The following SPOCK3 variants were observed in gnomAD, a reference collection of about 807,000 sequenced individuals.
The protein encoded by SPOCK3 is testican-3.
A neutral mutation model predicts 56.6 loss-of-function variants in SPOCK3; 30 were observed. The observed-to-expected ratio is 0.53, with a 90% CI of 0.40 to 0.72. SPOCK3 has a LOEUF of 0.72. SPOCK3 is among the 30% of genes least tolerant of loss of function. The probability of loss-of-function intolerance (pLI) is 0.00; values close to 1 mark genes in which losing one functional copy is unlikely to be tolerated. For synonymous variants in SPOCK3, 196 were observed against 183.3 expected (o/e 1.07, Z -0.56); for missense variants, 527 against 530.0 (o/e 0.99, Z 0.06).
At chr4:167,144,563 A>G (rs2150404650) in intron 2 of SPOCK3, among the ~76,000 whole-genome samples, 1 of 152,140 alleles carries the variant, frequency 6.6e-6, no homozygotes, top group South Asian at 2.1e-4. Flanking sequence ...CAGAGGAAAA[A>G]GAATATTAGT....
intron 6 of SPOCK3, among the ~76,000 whole-genome samples, chr4:166,843,184 C>T (rs7697008): frequency 7.2e-5 from 11 of 152,128 alleles, no homozygotes; most frequent in South Asian, 2.1e-4. Context: ...CACACCCCCC[C>T]GCAAACAGAG....
intron 5 of SPOCK3, among the ~76,000 whole-genome samples, chr4:166,909,418 C>T (rs1406077244): frequency 6.6e-6 from 1 of 151,922 alleles, no homozygotes; most frequent in Non-Finnish European, 1.5e-5. Context: ...TTAAGATGTG[C>T]AATGAAAATA....
chr4:166,845,478 T>C (rs946126174), intron 6 of SPOCK3, among the ~76,000 whole-genome samples: 15 of 152,172 alleles, frequency 9.9e-5, no homozygotes, highest in African/African-American at 3.6e-4. Flanking sequence ...TAATCTTATA[T>C]TTTTTCTCAT....
chr4:166,867,864 G>A (rs1732003253), intron 6 of SPOCK3, among the ~76,000 whole-genome samples: 1 of 151,496 alleles, frequency 6.6e-6, no homozygotes, highest in Non-Finnish European at 1.5e-5. Flanking sequence ...ATTCTTGACT[G>A]CCAACATATA....
chr4:166,813,608 C>T (rs1403849597), intron 6 of SPOCK3, among the ~76,000 whole-genome samples: 2 of 150,824 alleles, frequency 1.3e-5, no homozygotes, highest in Non-Finnish European at 3.0e-5. Context: ...GCTGCATATA[C>T]AATATAATAT....
chr4:166,906,122 T>C (rs1003463032), intron 5 of SPOCK3, among the ~76,000 whole-genome samples: 4 of 152,042 alleles, frequency 2.6e-5, no homozygotes, highest in African/African-American at 9.7e-5. Context: ...TAAAAAGGTA[T>C]AACAAAGTTA....
Position 166,898,239 on chromosome 4 carries a change from T to A in SPOCK3, c.475-8995A>T, listed in dbSNP as rs553751373. On this transcript the variant is annotated intron_variant, in intron 5 of 10. Coordinates refer to ENST00000357545, the MANE Select transcript of SPOCK3 (RefSeq NM_001040159.2). Reference sequence around the variant, plus strand: ...ATATTTTTCATGTCTGGACAGTAGGTTTGGCTCAAACTGTTCCAATGGTGC... The same window carrying A: ...ATATTTTTCATGTCTGGACAGTAGGATTGGCTCAAACTGTTCCAATGGTGC... Among the ~76,000 whole-genome samples, 66 of 152,130 alleles carry A rather than the reference T, an allele frequency of 4.3e-4. 1 individual carries two copies. In the Middle Eastern group the frequency reaches 0.02, roughly 47 times the overall value.
At position 167,061,044 on chromosome 4, in the gene SPOCK3, T is replaced by G. The variant is rs908695291; in HGVS notation, c.235+1448A>C. On this transcript the variant is annotated intron_variant, in intron 3 of 10. Coordinates refer to ENST00000357545, the MANE Select transcript of SPOCK3 (RefSeq NM_001040159.2). Reference sequence around the variant, plus strand: ...TTTAAGTTAGTAGGTTAAAAACCTCTCTTAATATTAAAGCAAATCAATCTT... The same window carrying G: ...TTTAAGTTAGTAGGTTAAAAACCTCGCTTAATATTAAAGCAAATCAATCTT... 2.6e-5 allele frequency among the ~76,000 whole-genome samples: 4 copies of G among 152,072 alleles called. No individual in the cohort carries two copies. The East Asian group carries it at 7.7e-4, about 29-fold the overall frequency.
chr4:166,949,962 T>C (rs1742319578), intron 4 of SPOCK3, among the ~76,000 whole-genome samples: 1 of 150,876 alleles, frequency 6.6e-6, no homozygotes, highest in Admixed American at 6.6e-5. Context: ...GAACAATCGG[T>C]ACCAGCCACT....
chr4:166,957,351 C>A (rs960770814), intron 4 of SPOCK3, among the ~76,000 whole-genome samples: 2 of 152,194 alleles, frequency 1.3e-5, no homozygotes, highest in Non-Finnish European at 2.9e-5. Flanking sequence ...GGGCCCTGAA[C>A]TCATGCATTA....
At chr4:167,113,747 A>G (rs1271733062) in intron 2 of SPOCK3, among the ~76,000 whole-genome samples, 2 of 152,036 alleles carry the variant, frequency 1.3e-5, no homozygotes, top group African/African-American at 4.8e-5. Context: ...ACCAAGAGGA[A>G]GCGGCATCTG....
chr4:166,872,705 T>G (rs1466918143), intron 6 of SPOCK3, among the ~76,000 whole-genome samples: 1 of 152,190 alleles, frequency 6.6e-6, no homozygotes, highest in Non-Finnish European at 1.5e-5. Flanking sequence ...AAAGGCTGCA[T>G]AGTGTATGAT....
chr4:166,843,817 T>C (rs1015663882), intron 6 of SPOCK3, among the ~76,000 whole-genome samples: 1 of 152,202 alleles, frequency 6.6e-6, no homozygotes, highest in African/African-American at 2.4e-5. Context: ...ACTTCCTTTG[T>C]CAATGGGATG....
chr4:167,110,984 A>T (rs1470196823), intron 2 of SPOCK3, among the ~76,000 whole-genome samples: 1 of 152,030 alleles, frequency 6.6e-6, no homozygotes, highest in Non-Finnish European at 1.5e-5. Flanking sequence ...TTTTGGAATG[A>T]CATACTAATA....
At chr4:166,854,404 T>A (rs1730443888) in intron 6 of SPOCK3, among the ~76,000 whole-genome samples, 1 of 152,220 alleles carries the variant, frequency 6.6e-6, no homozygotes, top group Admixed American at 6.5e-5. Flanking sequence ...AGATTATGTT[T>A]GGTACTGTTT....
intron 7 of SPOCK3, among the ~76,000 whole-genome samples, chr4:166,763,030 A>G (rs1377758750): frequency 6.6e-6 from 1 of 152,126 alleles, no homozygotes; most frequent in African/African-American, 2.4e-5. Flanking sequence ...GATAACAATT[A>G]CAAATGCAGA....
chr4:166,938,227 T>C (rs536118121), intron 4 of SPOCK3, among the ~76,000 whole-genome samples: 4 of 145,394 alleles, frequency 2.8e-5, no homozygotes, highest in Non-Finnish European at 2.9e-5. Context: ...TATAAATTAA[T>C]ACAAATACAA....
Position 166,755,128 on chromosome 4 carries a change from A to G in SPOCK3, c.710-399T>C, listed in dbSNP as rs1334371539. 3.3e-5 allele frequency among the ~76,000 whole-genome samples: 5 copies of G among 152,150 alleles called. No individual in the cohort carries two copies. In the East Asian group the frequency reaches 9.6e-4, roughly 29 times the overall value. The stretch of plus-strand genomic sequence containing the variant: ...CAAAAAATAAAATTTATATTTATTC[A>G]CAGCACTGAAAATATGATCTTAAAA... On this transcript the variant is annotated intron_variant, in intron 7 of 10. Coordinates refer to ENST00000357545, the MANE Select transcript of SPOCK3 (RefSeq NM_001040159.2).
chr4:166,764,105 G>C (rs561512901), intron 7 of SPOCK3, among the ~76,000 whole-genome samples: 35 of 152,090 alleles, frequency 2.3e-4, no homozygotes, highest in African/African-American at 8.2e-4. Context: ...ATACTTCTAG[G>C]CTTGTGGTCA....
Sources: gnomAD v4.1 joint callset for allele counts (sites outside exome capture counted in the v4.1 genomes callset) on GRCh38, gnomAD v4.1.1 for gene constraint, MANE v1.5 for transcripts, NCBI Gene and HGNC (gene_info 2026-07-23, HGNC 2026-07-21) for gene names.